The following LAMA1 variants were observed in gnomAD, a reference collection of about 807,000 sequenced individuals.
The protein encoded by LAMA1 is laminin subunit alpha 1, also known as laminin subunit alpha-1.
LAMA1 carries 219 observed loss-of-function variants against 348.7 expected under a neutral mutation model. The ratio of observed to expected loss-of-function variants is 0.63; its 90% confidence interval spans 0.56 to 0.70. LAMA1 has a LOEUF of 0.70. Among genes scored for constraint, LAMA1 ranks in the 30% least tolerant of loss-of-function variants. The pLI is 0.00. For missense variants in LAMA1, 3,744 were observed against 3,888.0 expected (o/e 0.96, Z 0.99); for synonymous variants, 1,487 against 1,491.0 (o/e 1.00, Z 0.06).
rs149133081 is a variant in LAMA1 at position 7,117,690 on chromosome 18, G to C, written c.31C>G (p.Leu11Val). ...TGCCGGCACTGCGCGGCGACACACA[G>C]CAGCAAGACCAGGAGCACGCCCCCG... MRGGVLLVLL[L>V]CVAAQCRQRG... Residue 11 changes from leucine (L) to valine (V), a missense_variant, in exon 1 of 63, where the codon CTG becomes GTG. Leu to Val is a conservative substitution (Grantham distance 32). Around this residue, in one of 3 missense-constraint regions of LAMA1, gnomAD observed 1,529 missense variants for 1,689.4 expected, o/e 0.91. Transcript: ENST00000389658. 111 of 1,598,980 alleles carry C rather than the reference G, an allele frequency of 6.9e-5. No homozygotes were observed. In the African/African-American group the frequency reaches 1.3e-3, roughly 19 times the overall value.
At chr18:7,059,263 C>A (rs2058094019) in intron 3 of LAMA1, among the ~76,000 whole-genome samples, 1 of 152,130 alleles carries the variant, frequency 6.6e-6, no homozygotes, top group Non-Finnish European at 1.5e-5. Flanking sequence ...GCATGGTTGA[C>A]TAAACTGCCT....
Position 7,015,766 on chromosome 18 carries a change from A to T in LAMA1, c.3082T>A (p.Cys1028Ser), listed in dbSNP as rs774660304. ...PHTQGVKCEECEDGHWGYDAE... is the reference protein window; with the variant it reads ...PHTQGVKCEESEDGHWGYDAE... ...TCGTAGCCCCAGTGCCCATCCTCAC[A>T]TTCTTCACACTTCACACCCTGTGTG... is the stretch of plus-strand genomic sequence containing the variant. Residue 1028 changes from cysteine to serine, a missense_variant, in exon 22 of 63, where the codon TGT (cysteine) becomes AGT (serine). This residue lies in a region of LAMA1 where 1,529 missense variants were observed against 1,689.4 expected (regional missense o/e 0.91). Coordinates refer to ENST00000389658, the MANE Select transcript of LAMA1 (RefSeq NM_005559.4). The T allele has an allele frequency of 6.2e-7, 1 of 1,614,046 alleles. No homozygotes were observed. The highest frequency in any genetic ancestry group is 1.7e-5 in the Admixed American group (1 of 60,008).
intron 3 of LAMA1, among the ~76,000 whole-genome samples, chr18:7,064,198 TA>T (rs1254308936): frequency 6.6e-6 from 1 of 151,898 alleles, no homozygotes; most frequent in Non-Finnish European, 1.5e-5. Context: ...GTATGCAAAA[TA>T]GAGAATATGC....
At chr18:7,072,564 T>A (rs1322487886) in intron 3 of LAMA1, among the ~76,000 whole-genome samples, 1 of 152,212 alleles carries the variant, frequency 6.6e-6, no homozygotes, top group Non-Finnish European at 1.5e-5. Flanking sequence ...TGTAATGTAT[T>A]AGACAGCAGT....
rs1227844272 is a variant in LAMA1 at position 7,033,103 on chromosome 18, TAGAC to T, written c.2052-12_2052-9del. Reference sequence around the variant, plus strand: ...AGAGAGACGGACTCCAACCTACAAATAGACAGATTGTTATGTGACTCACACGCTC... The same window carrying T: ...AGAGAGACGGACTCCAACCTACAAATAGATTGTTATGTGACTCACACGCTC... On this transcript the variant is annotated splice_polypyrimidine_tract_variant and intron_variant, in intron 14 of 62. Transcript: ENST00000389658. 2 of 1,579,872 alleles carry T rather than the reference TAGAC, an allele frequency of 1.3e-6. No individual in the cohort carries two copies. Among genetic ancestry groups the T allele is most frequent in the Non-Finnish European group, 1.7e-6 (2 of 1,152,850 alleles).
At chr18:7,051,854 A>G (rs2058063348) in intron 3 of LAMA1, among the ~76,000 whole-genome samples, 1 of 152,162 alleles carries the variant, frequency 6.6e-6, no homozygotes, top group Admixed American at 6.5e-5. Flanking sequence ...GCCTCTTTGG[A>G]AAATAGTTTG....
rs1467150610 is a variant in LAMA1, at chr18:7,038,922, C to G, written c.1451G>C (p.Arg484Pro). 1.9e-6 allele frequency: 3 copies of G among 1,613,692 alleles called. No homozygotes were observed. In the East Asian group the frequency reaches 6.7e-5, roughly 36 times the overall value. Residue 484 changes from arginine (R) to proline (P), a missense_variant, in exon 11 of 63, where the codon CGC becomes CCC. Arg to Pro is a moderately radical substitution (Grantham distance 103, BLOSUM62 -2). Transcript: ENST00000389658. ...CAAGTTATAGAATCCTGGCTTGCAG[C>G]GATCACAGGCCTTCCCCTCAACGTT... is the stretch of plus-strand genomic sequence containing the variant. ...KENVEGKACD[R>P]CKPGFYNLKE...
At chr18:6,956,598 G>A (rs546627308) in intron 56 of LAMA1, 38 bp downstream of exon 56, 1 of 1,613,440 alleles carries the variant, frequency 6.2e-7, no homozygotes, top group African/African-American at 1.3e-5. Flanking sequence ...CTCCTTTGCT[G>A]ACTGGACCTG....
chr18:7,107,028 T>A (rs1399674581), intron 1 of LAMA1, among the ~76,000 whole-genome samples: 2 of 151,880 alleles, frequency 1.3e-5, no homozygotes, highest in Admixed American at 1.3e-4. Context: ...ACCCCTAACT[T>A]ACATGAATAT....
intron 3 of LAMA1, among the ~76,000 whole-genome samples, chr18:7,073,822 T>TTGTGTGTGTGTGTGTGTGTGTG (rs112415914): frequency 5.4e-4 from 75 of 139,870 alleles, no homozygotes; most frequent in African/African-American, 1.6e-3. Flanking sequence ...ACCATACTGG[T>TTGTGTGTGTGTGTGTGTGTGTG]TGTGTGTGTG....
At chr18:7,049,893 G>A (rs1034603948) in intron 4 of LAMA1, among the ~76,000 whole-genome samples, 4 of 152,136 alleles carry the variant, frequency 2.6e-5, no homozygotes, top group African/African-American at 9.7e-5. Flanking sequence ...ACTTGCCAAA[G>A]ATCAGATGTG....
At position 7,085,628 on chromosome 18, in the gene LAMA1, C is replaced by T. The variant is rs988714861; in HGVS notation, c.62-5171G>A. 2.0e-5 allele frequency among the ~76,000 whole-genome samples: 3 copies of T among 151,980 alleles called. No individual in the cohort carries two copies. In the South Asian group the frequency reaches 6.2e-4, roughly 32 times the overall value. On this transcript the variant is annotated intron_variant, in intron 1 of 62. Coordinates refer to ENST00000389658, the MANE Select transcript of LAMA1 (RefSeq NM_005559.4). The stretch of plus-strand genomic sequence containing the variant: ...AGAGATGGGGTTTCACCACGTTAGC[C>T]AGGATGGTCTCGATCTCCTGACTTC...
chr18:7,067,238 T>G (rs2058126282), intron 3 of LAMA1, among the ~76,000 whole-genome samples: 1 of 137,744 alleles, frequency 7.3e-6, no homozygotes, highest in Non-Finnish European at 1.5e-5. Flanking sequence ...TCAGCAGCAT[T>G]TTTACAATAG....
Position 7,000,012 on chromosome 18 carries a change from T to A in LAMA1, c.4383-15A>T. On this transcript the variant is annotated splice_polypyrimidine_tract_variant and intron_variant, in intron 30 of 62. Coordinates refer to ENST00000389658, the MANE Select transcript of LAMA1 (RefSeq NM_005559.4). ...TGGGACTAAAACTGGAGGAAAAGAA[T>A]TTCTTTTTGAATTTTCAGATATACA... is the stretch of plus-strand genomic sequence containing the variant. The A allele has an allele frequency of 6.3e-7, 1 of 1,591,770 alleles. No individual in the cohort carries two copies. The highest frequency in any genetic ancestry group is 8.6e-7 in the Non-Finnish European group (1 of 1,160,332).
intron 50 of LAMA1, among the ~76,000 whole-genome samples, 169 bp from the exon 51 acceptor site, chr18:6,964,972 T>A (rs2057625995): frequency 6.6e-6 from 1 of 152,224 alleles, no homozygotes; most frequent in Non-Finnish European, 1.5e-5. Flanking sequence ...GAAAATCCTC[T>A]CTATCAAAGT....
chr18:6,980,499 G>T, intron 42 of LAMA1, 22 bp downstream of exon 42: 3 of 1,370,020 alleles, frequency 2.2e-6, no homozygotes, highest in Non-Finnish European at 3.1e-6. Context: ...GTTATTTACA[G>T]AAGAAAGTCC....
At chr18:7,033,519 G>A (rs1018556884) in intron 14 of LAMA1, among the ~76,000 whole-genome samples, 6 of 151,384 alleles carry the variant, frequency 4.0e-5, no homozygotes, top group African/African-American at 2.4e-5. Flanking sequence ...ATAACTAAAG[G>A]TCTTTCACAA....
Position 6,964,783 on chromosome 18 carries a change from C to T in LAMA1, c.7216G>A (p.Ala2406Thr). Residue 2406 changes from alanine to threonine, a missense_variant, in exon 51 of 63, where the codon GCC becomes ACC. Physicochemically the swap from Ala to Thr is moderately conservative, Grantham distance 58. This residue lies in a region of LAMA1 where 1,983 missense variants were observed against 1,934.3 expected (regional missense o/e 1.03). Transcript: ENST00000389658. Reference protein sequence around the residue: ...RKQGVLAVIDAYNTSNKETKQ... With the variant: ...RKQGVLAVIDTYNTSNKETKQ... The stretch of plus-strand genomic sequence containing the variant: ...GTTTCTTTATTACTGGTGTTATAGG[C>T]ATCGATAACTGCTAGCACTCCTAAA... 6.2e-7 allele frequency: 1 copy of T among 1,614,066 alleles called. No individual in the cohort carries two copies. Among genetic ancestry groups the T allele is most frequent in the Non-Finnish European group, 8.5e-7 (1 of 1,180,018 alleles).
chr18:7,051,036 T>A, intron 3 of LAMA1, 100 bp from the exon 4 acceptor site: 1 of 1,454,958 alleles, frequency 6.9e-7, no homozygotes, highest in South Asian at 1.2e-5. Context: ...GAATCTAAGA[T>A]AGTTGAACTT....
Sources: gnomAD v4.1 joint callset for allele counts (sites outside exome capture counted in the v4.1 genomes callset) on GRCh38, gnomAD v4.1.1 for gene constraint, gnomAD v4.1.1 regional missense constraint, MANE v1.5 for transcripts, NCBI Gene and HGNC (gene_info 2026-07-23, HGNC 2026-07-21) for gene names.